The following CALN1 variants were observed in gnomAD, a reference collection of about 807,000 sequenced individuals.
CALN1 encodes calneuron 1, also known as calcium-binding protein 8.
A neutral mutation model predicts 30.6 loss-of-function variants in CALN1; 17 were observed. The ratio of observed to expected loss-of-function variants is 0.56; its 90% confidence interval spans 0.38 to 0.83. CALN1 has a LOEUF of 0.83. Ranked by LOEUF, CALN1 falls within the 40% of genes least tolerant of loss-of-function variation. The pLI is 0.00. For missense variants in CALN1, 291 were observed against 354.9 expected, an observed-to-expected ratio of 0.82 and a Z score of 1.45; for synonymous variants, 156 against 131.4, an observed-to-expected ratio of 1.19 and a Z score of -1.28.
intron 3 of CALN1, among the ~76,000 whole-genome samples, chr7:72,169,645 C>A (rs146285657): frequency 0.012 from 1,841 of 151,964 alleles, 40 homozygotes; most frequent in African/African-American, 0.043. Context: ...TACCCTCATT[C>A]TCCCTCTAAG....
Position 71,787,790 on chromosome 7 carries a change from C to A in CALN1, c.771G>T (p.Arg257=). Residue 257 remains arginine, a synonymous_variant, in exon 7 of 7, where the codon CGG becomes CGT. Transcript: ENST00000395275. ...VMLIAANQIL[R]SGME ...CGGGAGGCTGCTACTCCATGCCGCT[C>A]CGGAGTATCTGGTTGGCTGCAATCA... is the stretch of plus-strand genomic sequence containing the variant. The A allele has an allele frequency of 6.2e-7, 1 of 1,613,974 alleles. No individual in the cohort carries two copies. The highest frequency in any genetic ancestry group is 8.5e-7 in the Non-Finnish European group (1 of 1,180,018).
intron 3 of CALN1, among the ~76,000 whole-genome samples, chr7:72,168,712 T>G (rs1457876405): frequency 6.6e-6 from 1 of 152,078 alleles, no homozygotes; most frequent in African/African-American, 2.4e-5. Flanking sequence ...CAATATGCCA[T>G]ACTACCCTTC....
At chr7:72,133,946 T>G (rs972756913) in intron 3 of CALN1, among the ~76,000 whole-genome samples, 5 of 152,214 alleles carry the variant, frequency 3.3e-5, no homozygotes, top group Admixed American at 6.5e-5. Flanking sequence ...AGTTTGAGTA[T>G]GTTCTCTTCA....
At chr7:72,168,793 A>G (rs1465802938) in intron 3 of CALN1, among the ~76,000 whole-genome samples, 1 of 108,500 alleles carries the variant, frequency 9.2e-6, no homozygotes, top group African/African-American at 3.9e-5. Context: ...CCTGCTTATT[A>G]TTATTATTAT....
intron 5 of CALN1, among the ~76,000 whole-genome samples, chr7:71,981,115 T>G (rs1584670555): frequency 6.6e-6 from 1 of 152,160 alleles, no homozygotes; most frequent in East Asian, 1.9e-4. Context: ...ATGATATATA[T>G]TAGTTTTTAT....
rs143449245 is a variant in CALN1 at position 72,238,719 on chromosome 7, C to T, written c.244+39967G>A. Among the ~76,000 whole-genome samples, 729 of 152,214 alleles carry T rather than the reference C, an allele frequency of 4.8e-3. 4 individuals carry two copies. Among genetic ancestry groups the T allele is most frequent in the African/African-American group, 0.016 (653 of 41,534 alleles). ...TGCTCTGCACCTCTATTTGCTGCCG[C>T]CACGTGAAGAAGGGCATGTTTGCTT... On this transcript the variant is annotated intron_variant, in intron 3 of 6. Transcript: ENST00000395275.
At chr7:72,350,688 A>G (rs538960997) in intron 2 of CALN1, among the ~76,000 whole-genome samples, 2 of 152,310 alleles carry the variant, frequency 1.3e-5, no homozygotes, top group East Asian at 3.9e-4. Flanking sequence ...TATGCTTATT[A>G]CCTGGGTAAT....
chr7:72,188,919 C>T (rs959348751), intron 3 of CALN1, among the ~76,000 whole-genome samples: 3 of 152,038 alleles, frequency 2.0e-5, no homozygotes, highest in African/African-American at 4.8e-5. Context: ...CTCCCTACAC[C>T]GCACACACAC....
intron 2 of CALN1, among the ~76,000 whole-genome samples, chr7:72,346,293 A>G (rs1802636175): frequency 6.6e-6 from 1 of 152,152 alleles, no homozygotes; most frequent in Non-Finnish European, 1.5e-5. Context: ...TTTTTCCCAA[A>G]GATAACCACT....
intron 5 of CALN1, among the ~76,000 whole-genome samples, chr7:71,921,015 C>T (rs1794917402): frequency 6.6e-6 from 1 of 152,156 alleles, no homozygotes; most frequent in Admixed American, 6.6e-5. Context: ...CCATGGAATA[C>T]TATGCAGCCA....
intron 2 of CALN1, among the ~76,000 whole-genome samples, chr7:72,310,369 A>G (rs1001360943): frequency 1.3e-5 from 2 of 149,522 alleles, no homozygotes; most frequent in Non-Finnish European, 3.0e-5. Context: ...AAGATAATGC[A>G]TCCAGCTCTT....
intron 3 of CALN1, among the ~76,000 whole-genome samples, chr7:72,247,840 A>C (rs1795295099): frequency 6.6e-6 from 1 of 152,084 alleles, no homozygotes; most frequent in South Asian, 2.1e-4. Context: ...CAAAAAATTT[A>C]AAAATTAGCC....
At chr7:72,374,826 ACATATTTTG>A (rs1361913681) in intron 2 of CALN1, among the ~76,000 whole-genome samples, 3 of 152,158 alleles carry the variant, frequency 2.0e-5, no homozygotes, top group Non-Finnish European at 4.4e-5. Context: ...AATTATTACC[ACATATTTTG>A]CTCAAATGAA....
chr7:72,113,116 A>G (rs966065102), intron 3 of CALN1, among the ~76,000 whole-genome samples: 4 of 152,130 alleles, frequency 2.6e-5, no homozygotes, highest in Non-Finnish European at 5.9e-5. Flanking sequence ...CCAAAATCTC[A>G]TGTTGAAATT....
At position 72,337,277 on chromosome 7, in the gene CALN1, G is replaced by A. The variant is rs376347054; in HGVS notation, c.120-58467C>T. ...GCCCGCGTTCAGGAGCCGGGCTTCT[G>A]GGCTCGCCTTGGCCGCCTGCGCCCC... On this transcript the variant is annotated intron_variant, in intron 2 of 6. Coordinates refer to ENST00000395275, the MANE Select transcript of CALN1 (RefSeq NM_031468.4). 119 of 985,106 alleles carry A rather than the reference G, an allele frequency of 1.2e-4. No individual in the cohort carries two copies. In the African/African-American group the frequency reaches 1.9e-3, roughly 16 times the overall value. The allele number at this position is 985,106 out of a possible 1,614,324, so 61.0% of individuals were successfully genotyped here. A position where few individuals can be genotyped will look rare whatever the true frequency, so the allele number is the denominator to read the frequency against.
intron 3 of CALN1, among the ~76,000 whole-genome samples, chr7:72,246,164 C>T (rs1367431247): frequency 6.6e-6 from 1 of 152,160 alleles, no homozygotes; most frequent in African/African-American, 2.4e-5. Context: ...ATGAAGGAAT[C>T]AACTCCTTAT....
intron 5 of CALN1, among the ~76,000 whole-genome samples, chr7:72,009,905 T>C (rs1257427498): frequency 6.6e-6 from 1 of 152,206 alleles, no homozygotes; most frequent in East Asian, 1.9e-4. Flanking sequence ...GGTATGTCTT[T>C]ATCAGCAGCA....
At chr7:72,094,131 G>A (rs1315884168) in intron 4 of CALN1, among the ~76,000 whole-genome samples, 1 of 152,212 alleles carries the variant, frequency 6.6e-6, no homozygotes, top group East Asian at 1.9e-4. Flanking sequence ...AACATTCTAG[G>A]TCTGATGTGA....
At chr7:72,386,534 A>C (rs1355069288) in intron 2 of CALN1, among the ~76,000 whole-genome samples, 1 of 152,256 alleles carries the variant, frequency 6.6e-6, no homozygotes, top group Non-Finnish European at 1.5e-5. Flanking sequence ...GGTAGGAGCC[A>C]GATTGCAGTA....
Sources: allele counts gnomAD v4.1 joint callset (sites outside exome capture counted in the v4.1 genomes callset), GRCh38; gene constraint gnomAD v4.1.1; transcripts MANE v1.5; gene names NCBI Gene and HGNC (gene_info 2026-07-23, HGNC 2026-07-21).